The following IQCJ variants were observed in gnomAD, a reference collection of about 807,000 sequenced individuals.
IQCJ encodes IQ motif containing J, also known as IQ domain-containing protein J.
In IQCJ, 9 loss-of-function variants were observed where a neutral mutation model predicts 11.0. The observed-to-expected ratio is 0.82, with a 90% CI of 0.49 to 1.43. IQCJ has a LOEUF of 1.43. Among genes scored for constraint, IQCJ ranks in the 40% most tolerant of loss-of-function variants. The pLI, the probability that IQCJ is intolerant of heterozygous loss-of-function variation, is 0.00. For missense variants in IQCJ, 146 were observed against 133.2 expected (o/e 1.10, Z -0.47); for synonymous variants, 55 against 51.3 (o/e 1.07, Z -0.31).
chr3:159,154,770 T>C (rs1276802905), intron 1 of IQCJ, among the ~76,000 whole-genome samples: 5 of 152,232 alleles, frequency 3.3e-5, no homozygotes, highest in Non-Finnish European at 5.9e-5. Context: ...ATCAATGTTA[T>C]TGAGCACTGC....
intron 1 of IQCJ, among the ~76,000 whole-genome samples, chr3:159,087,208 G>A (rs1018777639): frequency 1.3e-5 from 2 of 152,118 alleles, no homozygotes; most frequent in Admixed American, 1.3e-4. Context: ...CTGTTTATAT[G>A]CTGGATTACA....
Position 159,201,927 on chromosome 3 carries a change from T to A in IQCJ, c.10-43916T>A, listed in dbSNP as rs115562764. Among the ~76,000 whole-genome samples the A allele has an allele frequency of 3.5e-3, 530 of 152,264 alleles. 8 individuals are homozygous for A. Among genetic ancestry groups the A allele is most frequent in the African/African-American group, 0.011 (472 of 41,542 alleles). The stretch of plus-strand genomic sequence containing the variant: ...GGACTTGCCCTCGTGGAGCTTATAG[T>A]TTGAAAGGCCTGTTTTCCAATGCAC... On this transcript the variant is annotated intron_variant, in intron 1 of 3. Transcript: ENST00000397832.
chr3:159,089,855 T>TAAAG (rs2108077697), intron 1 of IQCJ, among the ~76,000 whole-genome samples: 1 of 151,738 alleles, frequency 6.6e-6, no homozygotes, highest in East Asian at 1.9e-4. Context: ...CTTCTTTGCC[T>TAAAG]TTGGTTTGAG....
intron 1 of IQCJ, among the ~76,000 whole-genome samples, chr3:159,183,841 T>A (rs1462826608): frequency 6.6e-6 from 1 of 152,062 alleles, no homozygotes; most frequent in African/African-American, 2.4e-5. Flanking sequence ...ATATCCACTA[T>A]CCCCTGCCAT....
At chr3:159,114,560 C>G (rs919095044) in intron 1 of IQCJ, among the ~76,000 whole-genome samples, 3 of 152,262 alleles carry the variant, frequency 2.0e-5, no homozygotes, top group African/African-American at 4.8e-5. Context: ...ATCCACCCCC[C>G]CTCGGCCTCT....
At chr3:159,249,985 T>A (rs1173535174) in intron 2 of IQCJ, among the ~76,000 whole-genome samples, 1 of 152,130 alleles carries the variant, frequency 6.6e-6, no homozygotes, top group Non-Finnish European at 1.5e-5. Flanking sequence ...GTAAGGCCAT[T>A]AATTGGAAGG....
chr3:159,123,865 G>T (rs555632265), intron 1 of IQCJ, among the ~76,000 whole-genome samples: 1 of 152,046 alleles, frequency 6.6e-6, no homozygotes, highest in Non-Finnish European at 1.5e-5. Flanking sequence ...CTAGATTTTC[G>T]CTCTGAGCTA....
chr3:159,252,261 C>G (rs1196608870), intron 2 of IQCJ, among the ~76,000 whole-genome samples: 2 of 152,120 alleles, frequency 1.3e-5, no homozygotes, highest in Non-Finnish European at 1.5e-5. Flanking sequence ...TTCTACAGGT[C>G]AGAGATCCAT....
At chr3:159,190,621 T>C (rs769908944) in intron 1 of IQCJ, among the ~76,000 whole-genome samples, 31 of 152,192 alleles carry the variant, frequency 2.0e-4, no homozygotes, top group Non-Finnish European at 3.8e-4. Flanking sequence ...AGGTACATAC[T>C]TGGATGAAGC....
intron 1 of IQCJ, among the ~76,000 whole-genome samples, chr3:159,083,977 A>G (rs147327247): frequency 3.9e-5 from 6 of 152,196 alleles, no homozygotes; most frequent in Non-Finnish European, 5.9e-5. Flanking sequence ...ACTGTTCTGT[A>G]TATGGACTGT....
intron 1 of IQCJ, among the ~76,000 whole-genome samples, chr3:159,245,349 T>TA (rs954176415): frequency 3.3e-5 from 5 of 149,446 alleles, no homozygotes; most frequent in Non-Finnish European, 7.4e-5. Flanking sequence ...CATTAGTGAG[T>TA]AAAAAAAAAG....
chr3:159,178,185 A>G (rs1035613671), intron 1 of IQCJ, among the ~76,000 whole-genome samples: 3 of 152,232 alleles, frequency 2.0e-5, no homozygotes, highest in African/African-American at 4.8e-5. Flanking sequence ...CTGGGATGCC[A>G]TTATTCTCAG....
At chr3:159,233,470 G>A (rs1726388912) in intron 1 of IQCJ, among the ~76,000 whole-genome samples, 1 of 152,174 alleles carries the variant, frequency 6.6e-6, no homozygotes. Flanking sequence ...TGAGCCAGGG[G>A]AGGATACTTA....
chr3:159,167,615 G>C (rs1415455880), intron 1 of IQCJ, among the ~76,000 whole-genome samples: 2 of 152,190 alleles, frequency 1.3e-5, no homozygotes, highest in African/African-American at 4.8e-5. Flanking sequence ...TTGTTTTGAA[G>C]ATGGAAGAAA....
chr3:159,169,279 C>CTTTTTTT (rs141888128), intron 1 of IQCJ, among the ~76,000 whole-genome samples: 7 of 56,382 alleles, frequency 1.2e-4, no homozygotes, highest in East Asian at 5.7e-4. Flanking sequence ...TTCTTTCTTT[C>CTTTTTTT]TTTTTTTTTT....
chr3:159,078,776 C>T (rs187872303), intron 1 of IQCJ, among the ~76,000 whole-genome samples: 1 of 152,160 alleles, frequency 6.6e-6, no homozygotes, highest in Admixed American at 6.6e-5. Flanking sequence ...TCTAGTTTCT[C>T]ATTTTGCCTC....
chr3:159,216,813 T>C (rs75699875), intron 1 of IQCJ, among the ~76,000 whole-genome samples: 2,167 of 152,244 alleles, frequency 0.014, 39 homozygotes, highest in African/African-American at 0.049. Flanking sequence ...TGAAGTTATC[T>C]TTAAAAACAA....
At chr3:159,194,175 A>T (rs149571140) in intron 1 of IQCJ, among the ~76,000 whole-genome samples, 16 of 152,310 alleles carry the variant, frequency 1.1e-4, no homozygotes, top group African/African-American at 3.1e-4. Context: ...CTAGTCTGAA[A>T]ACTTGCTCAG....
intron 1 of IQCJ, among the ~76,000 whole-genome samples, chr3:159,102,141 T>C (rs1283482508): frequency 6.6e-6 from 1 of 152,226 alleles, no homozygotes; most frequent in Admixed American, 6.5e-5. Context: ...AACAGGACTT[T>C]GAGTGCTGTA....
Sources: allele counts gnomAD v4.1 joint callset (sites outside exome capture counted in the v4.1 genomes callset), GRCh38; gene constraint gnomAD v4.1.1; transcripts MANE v1.5; gene names NCBI Gene and HGNC (gene_info 2026-07-23, HGNC 2026-07-21).